GMPS: variants seen among roughly 807,000 people sequenced by gnomAD.
The protein encoded by GMPS is GMP synthase [glutamine-hydrolyzing].
GMPS carries 15 observed loss-of-function variants against 77.9 expected under a neutral mutation model. That is an observed-to-expected ratio of 0.19 (90% CI 0.13 to 0.30). GMPS has a LOEUF of 0.30. GMPS is among the 10% of genes least tolerant of loss of function. The pLI is 1.00. For synonymous variants in GMPS, 224 were observed against 275.9 expected (o/e 0.81, Z 1.86); for missense variants, 590 against 838.8 (o/e 0.70, Z 3.66).
At chr3:155,869,807 A>C (rs1753857591), upstream of GMPS, among the ~76,000 whole-genome samples, 1 of 152,230 alleles carries the variant, frequency 6.6e-6, no homozygotes, top group Non-Finnish European at 1.5e-5. Flanking sequence ...TTATAATAAA[A>C]ATATTTGTGG....
chr3:155,911,893 G>T (rs184241835), intron 7 of GMPS, among the ~76,000 whole-genome samples: 11 of 151,126 alleles, frequency 7.3e-5, no homozygotes, highest in Non-Finnish European at 1.6e-4. Context: ...TGATATTTAT[G>T]TACGAGGCTA....
chr3:155,885,106 T>C (rs2108060632), intron 1 of GMPS, among the ~76,000 whole-genome samples: 1 of 152,322 alleles, frequency 6.6e-6, no homozygotes, highest in South Asian at 2.1e-4. Flanking sequence ...AACTAAATAG[T>C]CTTTAATGAA....
intron 2 of GMPS, among the ~76,000 whole-genome samples, chr3:155,896,276 T>A (rs1338419021): frequency 6.6e-6 from 1 of 152,202 alleles, no homozygotes; most frequent in Non-Finnish European, 1.5e-5. Context: ...CCCAAAGTGC[T>A]GGGATTACAG....
intron 9 of GMPS, among the ~76,000 whole-genome samples, chr3:155,916,454 A>G (rs1323735893): frequency 6.6e-6 from 1 of 151,348 alleles, no homozygotes; most frequent in East Asian, 1.9e-4. Flanking sequence ...ACCAACCACT[A>G]ATTTATTTTC....
At position 155,940,786 on chromosome 3, in the gene GMPS, C is replaced by G. The variant is rs867377790; in HGVS notation, c.*3094C>G. Reference sequence around the variant, plus strand: ...GGTTCTTTTATCATCAGATATGACACAAAGGGAAACATCAAAATGCACCGT... The same window carrying G: ...GGTTCTTTTATCATCAGATATGACAGAAAGGGAAACATCAAAATGCACCGT... On this transcript the variant is annotated 3_prime_UTR_variant, in exon 16 of 16. Transcript: ENST00000496455. 5.0e-6 allele frequency: 1 copy of G among 200,888 alleles called. No homozygotes were observed. Among genetic ancestry groups the G allele is most frequent in the Non-Finnish European group, 9.8e-6 (1 of 101,716 alleles). The allele number at this position is 200,888 out of a possible 1,614,324, so 12.4% of individuals were successfully genotyped here.
At chr3:155,935,141 G>A (rs1001757719) in intron 14 of GMPS, 95 bp downstream of exon 14, 4 of 819,768 alleles carry the variant, frequency 4.9e-6, no homozygotes, top group Non-Finnish European at 8.2e-6. Context: ...CTTTTTAGAT[G>A]CTTTTGTTTT....
At chr3:155,924,940 T>C (rs763737489) in intron 11 of GMPS, among the ~76,000 whole-genome samples, 49 of 152,204 alleles carry the variant, frequency 3.2e-4, no homozygotes, top group Non-Finnish European at 5.1e-4. Flanking sequence ...CAAAACTGAC[T>C]TTATGGCAAA....
intron 1 of GMPS, among the ~76,000 whole-genome samples, chr3:155,891,682 C>G (rs145521284): frequency 7.3e-5 from 11 of 150,348 alleles, no homozygotes; most frequent in Non-Finnish European, 1.0e-4. Context: ...TCTTGGCTCA[C>G]GGCAACTTCC....
At chr3:155,918,778 T>C (rs1755247620) in intron 9 of GMPS, among the ~76,000 whole-genome samples, 1 of 152,204 alleles carries the variant, frequency 6.6e-6, no homozygotes, top group South Asian at 2.1e-4. Flanking sequence ...TATTTATTTT[T>C]TTATTATTGA....
chr3:155,870,951 A>T (rs1026456951), intron 1 of GMPS, 54 bp downstream of exon 1: 2 of 1,398,322 alleles, frequency 1.4e-6, no homozygotes, highest in African/African-American at 1.5e-5. Flanking sequence ...AGGCTCCCGG[A>T]CCGGGGAGCC....
At position 155,931,683 on chromosome 3, in the gene GMPS, T is replaced by A. The variant is rs201331591; in HGVS notation, c.1561-82T>A. The A allele has an allele frequency of 0.087, 34,603 of 397,792 alleles. 955 individuals are homozygous for A. The highest frequency in any genetic ancestry group is 0.18 in the East Asian group (3,809 of 21,714). The allele number at this position is 397,792 out of a possible 1,614,324, so 24.6% of individuals were successfully genotyped here. On this transcript the variant is annotated intron_variant, in intron 12 of 15. Transcript: ENST00000496455. ...TTCAATGCATCTTTTCTTTTTTTTT[T>A]AAAAAAAAAAAAAAGCTTTGTCAAG...
At position 155,906,287 on chromosome 3, in the gene GMPS, G is replaced by T. The variant is rs767468006; in HGVS notation, c.526+24G>T. 5 of 1,466,502 alleles carry T rather than the reference G, an allele frequency of 3.4e-6. No homozygotes were observed. The South Asian group carries it at 3.5e-5, about 10-fold the overall frequency. The allele number at this position is 1,466,502 out of a possible 1,614,324, so 90.8% of individuals were successfully genotyped here. A position where few individuals can be genotyped will look rare whatever the true frequency, so the allele number is the denominator to read the frequency against. On this transcript the variant is annotated intron_variant, in intron 5 of 15. Coordinates refer to ENST00000496455, the MANE Select transcript of GMPS (RefSeq NM_003875.3). The stretch of plus-strand genomic sequence containing the variant: ...AGGTGAAAATTCTAAAAATTTTGCA[G>T]AGTTCATTTAAAAAACTTTATCTGA...
intron 13 of GMPS, among the ~76,000 whole-genome samples, chr3:155,933,716 C>G (rs143472842): frequency 6.6e-6 from 1 of 152,206 alleles, no homozygotes; most frequent in African/African-American, 2.4e-5. Flanking sequence ...GATTTATTTT[C>G]TTTGCTAAAA....
At chr3:155,879,773 C>T (rs1468128993) in intron 1 of GMPS, among the ~76,000 whole-genome samples, 24 of 140,638 alleles carry the variant, frequency 1.7e-4, no homozygotes, top group South Asian at 1.2e-3. Context: ...CACTGTTCCC[C>T]GGGCTGGAGT....
At chr3:155,901,558 T>G (rs1754738053) in intron 3 of GMPS, among the ~76,000 whole-genome samples, 1 of 152,128 alleles carries the variant, frequency 6.6e-6, no homozygotes, top group Admixed American at 6.5e-5. Context: ...TCAGCTTCAC[T>G]AGGTAAATGA....
At chr3:155,869,626 C>T (rs1223547632), upstream of GMPS, among the ~76,000 whole-genome samples, 1 of 152,200 alleles carries the variant, frequency 6.6e-6, no homozygotes, top group African/African-American at 2.4e-5. Context: ...GGCACATTAT[C>T]TCACTAAGCC....
chr3:155,933,456 C>A (rs905388094), intron 13 of GMPS, among the ~76,000 whole-genome samples: 2 of 152,158 alleles, frequency 1.3e-5, no homozygotes. Flanking sequence ...TCATGGCATT[C>A]TCTTAACTTT....
At chr3:155,933,927 A>G (rs745616225) in intron 13 of GMPS, among the ~76,000 whole-genome samples, 3 of 152,198 alleles carry the variant, frequency 2.0e-5, no homozygotes, top group Non-Finnish European at 4.4e-5. Flanking sequence ...AACTCAAGAT[A>G]TTTGTGGTGT....
rs960559637 is a variant in GMPS at position 155,938,398 on chromosome 3, G to T, written c.*706G>T. Reference sequence around the variant, plus strand: ...ATAGATGCCATGTTATTCAATGTCAGCTTGTTTATTAGTAAGGAGCTTTAT... The same window carrying T: ...ATAGATGCCATGTTATTCAATGTCATCTTGTTTATTAGTAAGGAGCTTTAT... On this transcript the variant is annotated 3_prime_UTR_variant, in exon 16 of 16. Transcript: ENST00000496455. The T allele has an allele frequency of 1.4e-4, 30 of 214,544 alleles. No homozygotes were observed. The highest frequency in any genetic ancestry group is 6.1e-4 in the African/African-American group (27 of 44,354). 13.3% of individuals were successfully genotyped at this position (214,544 alleles called of 1,614,324 possible).
Sources: allele counts gnomAD v4.1 joint callset (sites outside exome capture counted in the v4.1 genomes callset), GRCh38; gene constraint gnomAD v4.1.1; transcripts MANE v1.5; gene names NCBI Gene and HGNC (gene_info 2026-07-23, HGNC 2026-07-21).